The following TRDN variants were observed in gnomAD, a reference collection of about 807,000 sequenced individuals.
TRDN encodes triadin in skeletal muscle.
In TRDN, 161 loss-of-function variants were observed where a neutral mutation model predicts 149.7. The observed-to-expected ratio is 1.08, with a 90% CI of 0.95 to 1.23. The LOEUF (loss-of-function observed/expected upper bound fraction) is 1.23. Ranked by LOEUF, TRDN falls within the 50% of genes most tolerant of loss-of-function variation. The pLI, the probability that TRDN is intolerant of heterozygous loss-of-function variation, is 0.00. For synonymous variants in TRDN, 294 were observed against 250.5 expected, an observed-to-expected ratio of 1.17 and a Z score of -1.64; for missense variants, 896 against 823.5, an observed-to-expected ratio of 1.09 and a Z score of -1.08.
chr6:123,503,314 T>C (rs541009767), intron 8 of TRDN: 2 of 985,354 alleles, frequency 2.0e-6, no homozygotes, highest in South Asian at 4.7e-5. Flanking sequence ...GATTCCAACA[T>C]GTACCCCTTC....
At chr6:123,495,545 T>G (rs1003283077) in intron 9 of TRDN, among the ~76,000 whole-genome samples, 35 of 151,676 alleles carry the variant, frequency 2.3e-4, no homozygotes, top group African/African-American at 8.2e-4. Flanking sequence ...AATAAAAAAT[T>G]TGTACAGATG....
At chr6:123,517,311 G>T (rs954760432) in intron 5 of TRDN, among the ~76,000 whole-genome samples, 2 of 152,082 alleles carry the variant, frequency 1.3e-5, no homozygotes, top group African/African-American at 4.8e-5. Flanking sequence ...CAGTTCAGAA[G>T]TTGAAGCAGG....
intron 9 of TRDN, among the ~76,000 whole-genome samples, chr6:123,468,133 T>G (rs1397890055): frequency 6.6e-6 from 1 of 152,182 alleles, no homozygotes; most frequent in Non-Finnish European, 1.5e-5. Context: ...AAGCTGACTT[T>G]TGAAGAAAAA....
chr6:123,225,207 G>A (rs1025311381), intron 38 of TRDN, among the ~76,000 whole-genome samples: 1 of 151,732 alleles, frequency 6.6e-6, no homozygotes, highest in South Asian at 2.1e-4. Context: ...TGTTAGACTA[G>A]TGATTATCAA....
intron 38 of TRDN, among the ~76,000 whole-genome samples, chr6:123,246,520 A>C (rs1308106396): frequency 6.6e-6 from 1 of 152,124 alleles, no homozygotes; most frequent in African/African-American, 2.4e-5. Flanking sequence ...ACACCCTCCC[A>C]AGACCAAACC....
chr6:123,433,710 C>T (rs1774436564), intron 12 of TRDN, among the ~76,000 whole-genome samples: 1 of 151,750 alleles, frequency 6.6e-6, no homozygotes, highest in Admixed American at 6.6e-5. Context: ...GTTATTTTGT[C>T]AAAATTATTT....
chr6:123,579,750 T>G (rs72962821), intron 1 of TRDN, among the ~76,000 whole-genome samples: 18,243 of 152,036 alleles, frequency 0.12, 1,186 homozygotes, highest in African/African-American at 0.16. Context: ...AATCCCCACA[T>G]GTCAAGAGAG....
At chr6:123,566,302 T>G (rs754474607) in intron 2 of TRDN, among the ~76,000 whole-genome samples, 3 of 152,208 alleles carry the variant, frequency 2.0e-5, no homozygotes, top group Non-Finnish European at 4.4e-5. Context: ...GATAAGTTCC[T>G]AGTCATGTTA....
chr6:123,628,811 C>T (rs918910077), intron 1 of TRDN, among the ~76,000 whole-genome samples: 14 of 152,002 alleles, frequency 9.2e-5, no homozygotes, highest in South Asian at 4.2e-4. Flanking sequence ...CAATTTGGTA[C>T]GTAATAGGTA....
intron 24 of TRDN, 118 bp downstream of exon 24, chr6:123,316,339 T>C: frequency 1.0e-6 from 1 of 953,172 alleles, no homozygotes; most frequent in South Asian, 1.4e-5. Context: ...TCAGTATTTT[T>C]TTAATGTTTT....
At chr6:123,453,397 A>G (rs188176985) in intron 10 of TRDN, among the ~76,000 whole-genome samples, 1 of 152,174 alleles carries the variant, frequency 6.6e-6, no homozygotes, top group Non-Finnish European at 1.5e-5. Flanking sequence ...AACAAACTCA[A>G]ACAAGACAGT....
rs183061959 is a variant in TRDN, at chr6:123,299,533, T to A, written c.1510+16924A>T. 7.6e-4 allele frequency among the ~76,000 whole-genome samples: 115 copies of A among 152,072 alleles called. No individual in the cohort carries two copies. In the Middle Eastern group the frequency reaches 0.014, roughly 18 times the overall value. On this transcript the variant is annotated intron_variant, in intron 24 of 40. Transcript: ENST00000334268. ...TGTTTTGGGTTATTGAGTGTCAAAT[T>A]TGAGCAGCAAGTAAAAGAAAAGGGA...
intron 13 of TRDN, among the ~76,000 whole-genome samples, 160 bp downstream of exon 13, chr6:123,393,464 T>A (rs1384462702): frequency 1.3e-5 from 2 of 152,124 alleles, no homozygotes; most frequent in African/African-American, 4.8e-5. Context: ...CTCCAATTAC[T>A]AAATAAATAC....
intron 23 of TRDN, among the ~76,000 whole-genome samples, chr6:123,324,349 G>T (rs1779361763): frequency 6.6e-6 from 1 of 152,026 alleles, no homozygotes; most frequent in Non-Finnish European, 1.5e-5. Flanking sequence ...GGTGTGTGGT[G>T]CATGCTTATA....
intron 1 of TRDN, among the ~76,000 whole-genome samples, chr6:123,608,371 A>G (rs1784619838): frequency 6.6e-6 from 1 of 152,182 alleles, no homozygotes; most frequent in Admixed American, 6.5e-5. Context: ...CAAAAGTGTT[A>G]TCTTCTTGCC....
intron 7 of TRDN, chr6:123,509,918 C>T (rs1404128977): frequency 6.6e-6 from 1 of 151,932 alleles, no homozygotes; most frequent in Non-Finnish European, 1.5e-5. Flanking sequence ...AATCATATAC[C>T]AGTTTTATGA....
At chr6:123,614,055 T>C (rs1279551615) in intron 1 of TRDN, among the ~76,000 whole-genome samples, 1 of 151,992 alleles carries the variant, frequency 6.6e-6, no homozygotes, top group East Asian at 1.9e-4. Context: ...ACTCAAACTG[T>C]GCTCTAAGAC....
chr6:123,563,814 GTTTTTGTT>G (rs1782129362), intron 2 of TRDN, among the ~76,000 whole-genome samples: 1 of 150,396 alleles, frequency 6.6e-6, no homozygotes, highest in African/African-American at 2.4e-5. Flanking sequence ...TTTTGTTTTT[GTTTTTGTT>G]TTTAAGATAG....
chr6:123,272,281 T>TTTTCA (rs1777229879), intron 29 of TRDN, among the ~76,000 whole-genome samples: 1 of 151,950 alleles, frequency 6.6e-6, no homozygotes. Context: ...TGGGTACATA[T>TTTTCA]TTCAGCCTGG....
Sources: allele counts gnomAD v4.1 joint callset (sites outside exome capture counted in the v4.1 genomes callset), GRCh38; gene constraint gnomAD v4.1.1; transcripts MANE v1.5; gene names NCBI Gene and HGNC (gene_info 2026-07-23, HGNC 2026-07-21).